Variants in PDPR observed in about 807,000 individuals in gnomAD.
PDPR encodes pyruvate dehydrogenase phosphatase regulatory subunit, also known as pyruvate dehydrogenase phosphatase regulatory subunit, mitochondrial.
Under a neutral mutation model 102.2 loss-of-function variants are expected in PDPR, and 50 were observed. That is an observed-to-expected ratio of 0.49 (90% CI 0.39 to 0.62). The LOEUF (loss-of-function observed/expected upper bound fraction) is 0.62. Among genes scored for constraint, PDPR ranks in the 20% least tolerant of loss-of-function variants. The pLI is 0.00. For synonymous variants in PDPR, 259 were observed against 406.0 expected (o/e 0.64, Z 4.35); for missense variants, 625 against 1,098.2 (o/e 0.57, Z 6.09).
chr16:70,120,689 G>A lies in PDPR; in HGVS notation c.197G>A (p.Trp66Ter), dbSNP rs1567518418. The A allele has an allele frequency of 6.2e-7, 1 of 1,613,180 alleles. No homozygotes were observed. Among genetic ancestry groups the A allele is most frequent in the East Asian group, 2.2e-5 (1 of 44,860 alleles). Reference sequence around the variant, plus strand: ...GCCTATCACCTCTCCAAAATGGGGTGGAAGGATATTGTCCTTTTGGAGCAG... The same window carrying A: ...GCCTATCACCTCTCCAAAATGGGGTAGAAGGATATTGTCCTTTTGGAGCAG... ...SVAYHLSKMG[W>*]KDIVLLEQGR... is the part of the protein sequence containing the mutation. Residue 66 changes from tryptophan to a stop codon, truncating the protein, a stop_gained, in exon 3 of 19, where the codon TGG (tryptophan) becomes TAG (stop). Transcript: ENST00000288050. LOFTEE classifies it high-confidence loss of function.
chr16:70,152,793 A>G (rs887868522), intron 17 of PDPR, among the ~76,000 whole-genome samples: 4 of 152,296 alleles, frequency 2.6e-5, no homozygotes, highest in African/African-American at 9.6e-5. Flanking sequence ...CCTTCTGTTC[A>G]CTGATCTGAT....
intron 2 of PDPR, among the ~76,000 whole-genome samples, chr16:70,116,257 A>G (rs1756124954): frequency 1.4e-5 from 2 of 139,566 alleles, no homozygotes; most frequent in African/African-American, 5.3e-5. Flanking sequence ...TTCTGTTTTT[A>G]GTAGAGACGG....
intron 17 of PDPR, among the ~76,000 whole-genome samples, chr16:70,151,684 C>T (rs1966751433): frequency 6.6e-6 from 1 of 152,272 alleles, no homozygotes; most frequent in African/African-American, 2.4e-5. Context: ...GCCTTGGTTT[C>T]AGCTTTCTGA....
intron 3 of PDPR, among the ~76,000 whole-genome samples, chr16:70,122,854 T>TACACACACACATACACACACAC (rs1963476484): frequency 1.4e-5 from 2 of 145,614 alleles, no homozygotes; most frequent in Admixed American, 6.9e-5. Flanking sequence ...TATACACACA[T>TACACACACACATACACACACAC]ACACACACAC....
intron 3 of PDPR, 116 bp downstream of exon 3, chr16:70,120,835 G>A (rs1963172736): frequency 4.5e-6 from 3 of 669,260 alleles, no homozygotes; most frequent in African/African-American, 1.8e-5. Flanking sequence ...TAAGTAGCAT[G>A]AGAAGAAGCA....
intron 3 of PDPR, among the ~76,000 whole-genome samples, chr16:70,125,119 G>A (rs1963787659): frequency 6.6e-6 from 1 of 152,232 alleles, no homozygotes; most frequent in Non-Finnish European, 1.5e-5. Context: ...GCTTATGCCG[G>A]TAATCCCAGC....
At chr16:70,147,276 A>G (rs1352036469) in intron 16 of PDPR, among the ~76,000 whole-genome samples, 2 of 148,094 alleles carry the variant, frequency 1.4e-5, no homozygotes, top group African/African-American at 5.0e-5. Flanking sequence ...GCTTTATTTA[A>G]TAAGCATTAG....
intron 10 of PDPR, among the ~76,000 whole-genome samples, chr16:70,137,819 T>G (rs563843393): frequency 6.6e-6 from 1 of 152,266 alleles, no homozygotes; most frequent in Admixed American, 6.5e-5. Flanking sequence ...AAAAAACCCA[T>G]TGGATATTTA....
In PDPR at chr16:70,130,442, G is replaced by A. The variant is rs1344678537; in HGVS notation, c.627G>A (p.Arg209=). 4 of 1,613,660 alleles carry A rather than the reference G, an allele frequency of 2.5e-6. No individual in the cohort carries two copies. Among genetic ancestry groups the A allele is most frequent in the Middle Eastern group, 1.7e-4 (1 of 6,060 alleles). ...GAACAGGTGTTCAGATCTATGACCG[G>A]ACATCTGTTCTTCATGTAATGGTCA... The part of the protein sequence containing the change: ...ASQNGVQIYD[R]TSVLHVMVKK... The change falls in exon 7 of 19, where the codon CGG becomes CGA. Residue 209 remains arginine, a synonymous_variant. Coordinates refer to ENST00000288050, the MANE Select transcript of PDPR (RefSeq NM_017990.5).
intron 4 of PDPR, among the ~76,000 whole-genome samples, chr16:70,127,725 T>C (rs1432147650): frequency 6.6e-6 from 1 of 152,282 alleles, no homozygotes; most frequent in Non-Finnish European, 1.5e-5. Flanking sequence ...TAAGAGTCAT[T>C]GCATTTTAGG....
intron 15 of PDPR, chr16:70,145,657 C>T (rs1037204658): frequency 4.4e-6 from 2 of 458,126 alleles, no homozygotes; most frequent in Admixed American, 2.4e-5. Flanking sequence ...GAACAAAAGT[C>T]ATGTTCTAGC....
At chr16:70,154,202 C>T (rs1247834886) in intron 18 of PDPR, among the ~76,000 whole-genome samples, 1 of 152,132 alleles carries the variant, frequency 6.6e-6, no homozygotes, top group African/African-American at 2.4e-5. Flanking sequence ...GTGGCCAGCA[C>T]CTGTAGTTCC....
intron 3 of PDPR, among the ~76,000 whole-genome samples, chr16:70,124,963 GC>G (rs1412475653): frequency 2.6e-5 from 4 of 152,258 alleles, no homozygotes; most frequent in Admixed American, 2.6e-4. Flanking sequence ...GGGTCTTTGG[GC>G]CCTAGCATTA....
chr16:70,162,832 TG>T (rs1967912079), downstream of PDPR, among the ~76,000 whole-genome samples: 2 of 152,280 alleles, frequency 1.3e-5, no homozygotes, highest in African/African-American at 4.8e-5. Context: ...CACTCAGGTT[TG>T]TGTGGAAAGC....
At chr16:70,123,448 G>T (rs1290058121) in intron 3 of PDPR, among the ~76,000 whole-genome samples, 1 of 152,168 alleles carries the variant, frequency 6.6e-6, no homozygotes, top group African/African-American at 2.4e-5. Flanking sequence ...TTGTTGTCCA[G>T]GCTGGCCTCA....
At chr16:70,132,507 T>C (rs551892482) in intron 9 of PDPR, among the ~76,000 whole-genome samples, 1 of 152,352 alleles carries the variant, frequency 6.6e-6, no homozygotes, top group East Asian at 1.9e-4. Flanking sequence ...TAATAGACAT[T>C]TGCCTTATTC....
rs1305331749 is a variant in PDPR, at chr16:70,147,848, C to T, written c.1963-616C>T. Reference sequence around the variant, plus strand: ...CTGCTGCTTGGAGGAGTGACCCATACGCTCAACACCTGGCGAGTGCTGCAT... The same window carrying T: ...CTGCTGCTTGGAGGAGTGACCCATATGCTCAACACCTGGCGAGTGCTGCAT... On this transcript the variant is annotated intron_variant, in intron 16 of 18. Coordinates refer to ENST00000288050, the MANE Select transcript of PDPR (RefSeq NM_017990.5). 2.0e-5 allele frequency among the ~76,000 whole-genome samples: 3 copies of T among 152,354 alleles called. 1 individual carries two copies. Among genetic ancestry groups the T allele is most frequent in the African/African-American group, 4.8e-5 (2 of 41,588 alleles).
At chr16:70,113,890 G>A (rs1323817117), upstream of PDPR, 2 of 150,422 alleles carry the variant, frequency 1.3e-5, no homozygotes, top group Non-Finnish European at 3.0e-5. Context: ...CGCTCCCACG[G>A]CGATGAGAAG....
rs1294154754 is a variant in PDPR, at chr16:70,158,664, G to A, written c.*1785G>A. The A allele has an allele frequency of 6.5e-6, 1 of 152,846 alleles. No homozygotes were observed. The highest frequency in any genetic ancestry group is 1.5e-5 in the Non-Finnish European group (1 of 68,482). The allele number at this position is 152,846 out of a possible 1,614,324, so 9.5% of individuals were successfully genotyped here. A position where few individuals can be genotyped will look rare whatever the true frequency, so the allele number is the denominator to read the frequency against. ...AGCAAGTATGTACTTAACTAGCCGAGAGATGCTGCCTCTAGGCAGAGAGGA... is the reference window on the plus strand; with the variant it reads ...AGCAAGTATGTACTTAACTAGCCGAAAGATGCTGCCTCTAGGCAGAGAGGA... On this transcript the variant is annotated 3_prime_UTR_variant, in exon 19 of 19. Coordinates refer to ENST00000288050, the MANE Select transcript of PDPR (RefSeq NM_017990.5).
Sources: gnomAD v4.1 joint callset for allele counts (sites outside exome capture counted in the v4.1 genomes callset) on GRCh38, gnomAD v4.1.1 for gene constraint, MANE v1.5 for transcripts, NCBI Gene and HGNC (gene_info 2026-07-23, HGNC 2026-07-21) for gene names.